FAM180A: variants seen among roughly 807,000 people sequenced by gnomAD.
FAM180A encodes protein FAM180A.
In FAM180A, 14 loss-of-function variants were observed where a neutral mutation model predicts 15.3. That is an observed-to-expected ratio of 0.92 (90% confidence interval 0.61 to 1.43). The LOEUF (loss-of-function observed/expected upper bound fraction) is 1.43. Among genes scored for constraint, FAM180A ranks in the 40% most tolerant of loss-of-function variants. The probability of loss-of-function intolerance (pLI) is 0.00; values close to 1 mark genes in which losing one functional copy is unlikely to be tolerated. For synonymous variants in FAM180A, 90 were observed against 96.8 expected (o/e 0.93, Z 0.41); for missense variants, 200 against 220.8 (o/e 0.91, Z 0.60).
chr7:135,733,707 G>C lies in FAM180A; in HGVS notation c.*268C>G. 7.9e-7 allele frequency: 1 copy of C among 1,267,282 alleles called. No individual in the cohort carries two copies. The highest frequency in any genetic ancestry group is 9.9e-7 in the Non-Finnish European group (1 of 1,007,308). The allele number at this position is 1,267,282 out of a possible 1,614,324, so 78.5% of individuals were successfully genotyped here. ...GTTGAAGCATATCAGAATTCTGCCT[G>C]CCATAGGCAAACCATTCTGCCCATG... On this transcript the variant is annotated 3_prime_UTR_variant, in exon 3 of 4. Coordinates refer to ENST00000338588, the MANE Select transcript of FAM180A (RefSeq NM_205855.4).
At chr7:135,741,448 G>A (rs1213632265) in intron 1 of FAM180A, among the ~76,000 whole-genome samples, 13 of 151,138 alleles carry the variant, frequency 8.6e-5, no homozygotes, top group South Asian at 2.1e-4. Flanking sequence ...CCCGGGAGGC[G>A]GAGGTTGCAG....
intron 3 of FAM180A, among the ~76,000 whole-genome samples, chr7:135,732,162 C>T (rs1796792408): frequency 6.6e-6 from 1 of 152,192 alleles, no homozygotes; most frequent in Admixed American, 6.5e-5. Context: ...GGGCAAGTTA[C>T]ATTGGTAACA....
At chr7:135,739,463 T>C (rs1043542165) in intron 1 of FAM180A, among the ~76,000 whole-genome samples, 1 of 150,704 alleles carries the variant, frequency 6.6e-6, no homozygotes, top group Non-Finnish European at 1.5e-5. Context: ...ATACAAAAAA[T>C]TAGCCGGGTG....
At chr7:135,741,011 T>A (rs1484570735) in intron 1 of FAM180A, among the ~76,000 whole-genome samples, 1 of 150,680 alleles carries the variant, frequency 6.6e-6, no homozygotes, top group Non-Finnish European at 1.5e-5. Flanking sequence ...AGGAAGGCAA[T>A]AGGGAGGGAA....
At position 135,736,478 on chromosome 7, in the gene FAM180A, C is replaced by A. The variant is rs1796874251; in HGVS notation, c.177+621G>T. Among the ~76,000 whole-genome samples, 3 of 152,182 alleles carry A rather than the reference C, an allele frequency of 2.0e-5. No homozygotes were observed. The South Asian group carries it at 6.2e-4, about 32-fold the overall frequency. ...AGAAACAGTGGCTTATGCAAGGTGG[C>A]ACAGCGGACGGGAGATAGAGCCAGG... On this transcript the variant is annotated intron_variant, in intron 2 of 3. Coordinates refer to ENST00000338588, the MANE Select transcript of FAM180A (RefSeq NM_205855.4).
At chr7:135,736,811 C>T (rs945638586) in intron 2 of FAM180A, among the ~76,000 whole-genome samples, 2 of 152,220 alleles carry the variant, frequency 1.3e-5, no homozygotes, top group Non-Finnish European at 2.9e-5. Context: ...ACTCTGGTGC[C>T]TGGGTGCCAG....
Position 135,737,174 on chromosome 7 carries a change from C to A in FAM180A, c.102G>T (p.Arg34=). 1 of 1,607,400 alleles carries A rather than the reference C, an allele frequency of 6.2e-7. No homozygotes were observed. Among genetic ancestry groups the A allele is most frequent in the Non-Finnish European group, 8.5e-7 (1 of 1,177,716 alleles). Residue 34 remains arginine, a synonymous_variant, in exon 2 of 4, where the codon CGG becomes CGT. Coordinates refer to ENST00000338588, the MANE Select transcript of FAM180A (RefSeq NM_205855.4). ...SRAVLFPAAH[R]PKRSSSLPLN... Reference sequence around the variant, plus strand: ...ATGGCAGTGATGAGGACCTCTTTGGCCGGTGGGCGGCAGGGAAGAGCACAG... The same window carrying A: ...ATGGCAGTGATGAGGACCTCTTTGGACGGTGGGCGGCAGGGAAGAGCACAG...
intron 1 of FAM180A, among the ~76,000 whole-genome samples, chr7:135,740,409 G>C (rs892110893): frequency 5.3e-5 from 8 of 152,160 alleles, no homozygotes; most frequent in African/African-American, 1.7e-4. Flanking sequence ...CTGTGTGGCC[G>C]CTCTTTGTTT....
chr7:135,740,506 A>C (rs981643143), intron 1 of FAM180A, among the ~76,000 whole-genome samples: 1 of 152,144 alleles, frequency 6.6e-6, no homozygotes, highest in South Asian at 2.1e-4. Flanking sequence ...ACTCCAGGCC[A>C]ATTTGTGGGC....
intron 1 of FAM180A, among the ~76,000 whole-genome samples, chr7:135,739,680 T>A (rs1286266467): frequency 7.1e-6 from 1 of 140,292 alleles, no homozygotes; most frequent in Non-Finnish European, 1.5e-5. Context: ...CAGAAGTGAT[T>A]AAAAAAAAAA....
intron 1 of FAM180A, 81 bp from the exon 2 acceptor site, chr7:135,737,280 A>C: frequency 8.6e-7 from 1 of 1,162,128 alleles, no homozygotes; most frequent in East Asian, 2.5e-5. Flanking sequence ...AAGGTAGTCA[A>C]GGAGTCTTAA....
rs756011234 is a variant in FAM180A at position 135,734,233 on chromosome 7, G to A, written c.264C>T (p.Asp88=). Residue 88 remains aspartate (D), a synonymous_variant, in exon 3 of 4, where the codon GAC becomes GAT. Coordinates refer to ENST00000338588, the MANE Select transcript of FAM180A (RefSeq NM_205855.4). Reference sequence around the variant, plus strand: ...TGACGTTGTTGCAGACGGTGCGGAAGTCTGAGGCCTTCCGCAAGGAGGCCA... The same window carrying A: ...TGACGTTGTTGCAGACGGTGCGGAAATCTGAGGCCTTCCGCAAGGAGGCCA... ...EELASLRKAS[D]FRTVCNNVIP... 1.2e-6 allele frequency: 2 copies of A among 1,614,232 alleles called. No homozygotes were observed. Among genetic ancestry groups the A allele is most frequent in the Non-Finnish European group, 1.7e-6 (2 of 1,180,042 alleles).
chr7:135,745,469 CTGTG>C (rs142097069), intron 1 of FAM180A, among the ~76,000 whole-genome samples: 2 of 149,934 alleles, frequency 1.3e-5, no homozygotes, highest in East Asian at 1.9e-4. Context: ...CGTGGGCCAC[CTGTG>C]TGTGTGTGTG....
intron 1 of FAM180A, among the ~76,000 whole-genome samples, chr7:135,746,911 C>T (rs929133416): frequency 6.6e-6 from 1 of 152,100 alleles, no homozygotes; most frequent in Non-Finnish European, 1.5e-5. Context: ...AGCAGCCTGG[C>T]CAACATGGTG....
intron 1 of FAM180A, among the ~76,000 whole-genome samples, chr7:135,739,124 A>G (rs1796910654): frequency 6.6e-6 from 1 of 151,844 alleles, no homozygotes; most frequent in African/African-American, 2.4e-5. Flanking sequence ...AGCCTGGTCA[A>G]CATGGTGAAA....
intron 1 of FAM180A, among the ~76,000 whole-genome samples, chr7:135,743,785 C>G (rs1796990237): frequency 6.6e-6 from 1 of 152,178 alleles, no homozygotes; most frequent in Admixed American, 6.5e-5. Flanking sequence ...GTTGTATTCT[C>G]AGTGCCTAGT....
In FAM180A at chr7:135,733,821, G is replaced by C; in HGVS notation, c.*154C>G. On this transcript the variant is annotated 3_prime_UTR_variant, in exon 3 of 4. Transcript: ENST00000338588. Reference sequence around the variant, plus strand: ...AGATGTGTCTTCCAGGAAACTACAAGGAGAAAAGAGCATCGGGGTTACTGT... The same window carrying C: ...AGATGTGTCTTCCAGGAAACTACAACGAGAAAAGAGCATCGGGGTTACTGT... 1 of 1,400,758 alleles carries C rather than the reference G, an allele frequency of 7.1e-7. No individual in the cohort carries two copies. Among genetic ancestry groups the C allele is most frequent in the Non-Finnish European group, 9.2e-7 (1 of 1,081,924 alleles). 86.8% of individuals were successfully genotyped at this position (1,400,758 alleles called of 1,614,324 possible).
intron 1 of FAM180A, among the ~76,000 whole-genome samples, chr7:135,741,162 G>T (rs1796943792): frequency 6.6e-6 from 1 of 152,122 alleles, no homozygotes; most frequent in African/African-American, 2.4e-5. Context: ...GCTCACCCCA[G>T]AGGTACCCCT....
At chr7:135,747,351 G>A (rs1186479691) in intron 1 of FAM180A, among the ~76,000 whole-genome samples, 4 of 152,088 alleles carry the variant, frequency 2.6e-5, no homozygotes, top group South Asian at 2.1e-4. Context: ...GTGTATGCAA[G>A]GTTGTTATGA....
Sources: gnomAD v4.1 joint callset for allele counts (sites outside exome capture counted in the v4.1 genomes callset) on GRCh38, gnomAD v4.1.1 for gene constraint, MANE v1.5 for transcripts, NCBI Gene and HGNC (gene_info 2026-07-23, HGNC 2026-07-21) for gene names.